Variants in PTPRD observed in about 807,000 individuals in gnomAD.
The protein encoded by PTPRD is receptor-type tyrosine-protein phosphatase delta.
Under a neutral mutation model 214.5 loss-of-function variants are expected in PTPRD, and 34 were observed. That is an observed-to-expected ratio of 0.16 (90% confidence interval 0.12 to 0.21). The LOEUF (loss-of-function observed/expected upper bound fraction) is 0.21, where lower values mean the gene tolerates loss of function less well. Among genes scored for constraint, PTPRD ranks in the 10% least tolerant of loss-of-function variants. The pLI is 1.00. For missense variants in PTPRD, 2,545 were observed against 2,398.7 expected (o/e 1.06, Z -1.27); for synonymous variants, 1,128 against 845.7 (o/e 1.33, Z -5.79).
intron 2 of PTPRD, among the ~76,000 whole-genome samples, chr9:10,551,463 A>C (rs189132159): frequency 6.6e-6 from 1 of 152,294 alleles, no homozygotes; most frequent in Admixed American, 6.5e-5. Flanking sequence ...TGAAGGTGAC[A>C]GTATTAGGGA....
At chr9:10,013,741 G>C (rs1474679002) in intron 4 of PTPRD, among the ~76,000 whole-genome samples, 1 of 152,014 alleles carries the variant, frequency 6.6e-6, no homozygotes, top group Non-Finnish European at 1.5e-5. Context: ...TGTTTTTCAA[G>C]GTGCTGTTTC....
intron 3 of PTPRD, among the ~76,000 whole-genome samples, chr9:10,287,191 A>G (rs2095384944): frequency 6.6e-6 from 1 of 152,194 alleles, no homozygotes; most frequent in Non-Finnish European, 1.5e-5. Flanking sequence ...CCAAAGGTAA[A>G]AATTGACAAG....
intron 8 of PTPRD, among the ~76,000 whole-genome samples, chr9:9,510,299 C>T (rs980085056): frequency 6.6e-6 from 1 of 150,936 alleles, no homozygotes; most frequent in Non-Finnish European, 1.5e-5. Flanking sequence ...TTTTTAACTG[C>T]ATTCTGTAAG....
chr9:9,358,093 C>A (rs930502019), intron 9 of PTPRD, among the ~76,000 whole-genome samples: 1 of 151,186 alleles, frequency 6.6e-6, no homozygotes, highest in Non-Finnish European at 1.5e-5. Flanking sequence ...AATCACATTT[C>A]TGACCACAAC....
At chr9:10,550,666 TGA>T (rs2061125652) in intron 2 of PTPRD, among the ~76,000 whole-genome samples, 1 of 152,152 alleles carries the variant, frequency 6.6e-6, no homozygotes, top group Non-Finnish European at 1.5e-5. Flanking sequence ...ACTTTGGAGC[TGA>T]GAGAGTGTGT....
At chr9:8,434,272 C>T (rs995599800) in intron 35 of PTPRD, among the ~76,000 whole-genome samples, 6 of 152,190 alleles carry the variant, frequency 3.9e-5, no homozygotes, top group Non-Finnish European at 5.9e-5. Context: ...TGAGCCACTG[C>T]GCCCAGCCTA....
chr9:8,699,997 C>T (rs7849404), intron 12 of PTPRD, among the ~76,000 whole-genome samples: 15,351 of 152,050 alleles, frequency 0.1, 890 homozygotes, highest in East Asian at 0.16. Flanking sequence ...TTTATGATGG[C>T]GGCATTCTTA....
At chr9:10,226,699 A>T (rs1218023191) in intron 3 of PTPRD, among the ~76,000 whole-genome samples, 1 of 151,962 alleles carries the variant, frequency 6.6e-6, no homozygotes, top group Admixed American at 6.6e-5. Flanking sequence ...CCCTTTTCCC[A>T]TTTTACAAAT....
intron 9 of PTPRD, among the ~76,000 whole-genome samples, chr9:9,388,045 T>C (rs6477395): frequency 0.36 from 55,178 of 151,806 alleles, 10,259 homozygotes; most frequent in Middle Eastern, 0.47. Context: ...CTGGAAGAAT[T>C]GGATCACACG....
chr9:8,855,773 A>G (rs990296537), intron 11 of PTPRD, among the ~76,000 whole-genome samples: 1 of 152,194 alleles, frequency 6.6e-6, no homozygotes, highest in Non-Finnish European at 1.5e-5. Flanking sequence ...AATAACACCC[A>G]TTAATCCCCC....
At chr9:9,398,241 C>A (rs768467209) in intron 8 of PTPRD, among the ~76,000 whole-genome samples, 1 of 151,882 alleles carries the variant, frequency 6.6e-6, no homozygotes, top group Non-Finnish European at 1.5e-5. Context: ...GTCTTGACAC[C>A]TAGAGAAGAA....
chr9:9,827,398 C>A (rs1336000200), intron 5 of PTPRD, among the ~76,000 whole-genome samples: 2 of 151,976 alleles, frequency 1.3e-5, no homozygotes, highest in Admixed American at 6.6e-5. Flanking sequence ...CAAAAACAAG[C>A]AATGGGGAAA....
chr9:10,374,096 T>C (rs1368850010), intron 2 of PTPRD, among the ~76,000 whole-genome samples: 2 of 152,204 alleles, frequency 1.3e-5, no homozygotes, highest in Non-Finnish European at 1.5e-5. Context: ...GTATAAGTTA[T>C]GTATAAGTAG....
chr9:9,599,854 ATATT>A (rs2093624765), intron 7 of PTPRD, among the ~76,000 whole-genome samples: 1 of 152,074 alleles, frequency 6.6e-6, no homozygotes, highest in African/African-American at 2.4e-5. Context: ...CAAATAAAGA[ATATT>A]TAAAGACTTT....
chr9:8,687,465 T>A (rs2097704743), intron 12 of PTPRD, among the ~76,000 whole-genome samples: 1 of 152,204 alleles, frequency 6.6e-6, no homozygotes, highest in Non-Finnish European at 1.5e-5. Context: ...AGGTATGTGA[T>A]GTGAACCACA....
chr9:9,212,811 T>C (rs1007530768), intron 9 of PTPRD, among the ~76,000 whole-genome samples: 1 of 152,132 alleles, frequency 6.6e-6, no homozygotes, highest in African/African-American at 2.4e-5. Context: ...AACCATTACA[T>C]AGTTTCTATT....
chr9:9,765,760 A>T (rs940110372), intron 6 of PTPRD, among the ~76,000 whole-genome samples: 1 of 152,088 alleles, frequency 6.6e-6, no homozygotes. Context: ...TCCTGGGTTC[A>T]CGCCATTCTC....
chr9:10,194,724 G>C (rs902315557), intron 3 of PTPRD, among the ~76,000 whole-genome samples: 1 of 151,922 alleles, frequency 6.6e-6, no homozygotes, highest in Non-Finnish European at 1.5e-5. Flanking sequence ...ACATTAAAGA[G>C]AATATGAAAA....
At chr9:10,433,422 C>A (rs1264035238) in intron 2 of PTPRD, among the ~76,000 whole-genome samples, 1 of 151,928 alleles carries the variant, frequency 6.6e-6, no homozygotes, top group Non-Finnish European at 1.5e-5. Context: ...CAAGGGACTC[C>A]TACACTGTAA....
Sources: gnomAD v4.1 joint callset for allele counts (sites outside exome capture counted in the v4.1 genomes callset) on GRCh38, gnomAD v4.1.1 for gene constraint, MANE v1.5 for transcripts, NCBI Gene and HGNC (gene_info 2026-07-23, HGNC 2026-07-21) for gene names.